The following NFIB variants were observed in gnomAD, a reference collection of about 807,000 sequenced individuals.
NFIB encodes the protein nuclear factor 1 B-type.
NFIB carries 11 observed loss-of-function variants against 61.5 expected under a neutral mutation model. The observed-to-expected ratio is 0.18, with a 90% CI of 0.11 to 0.30. The LOEUF (loss-of-function observed/expected upper bound fraction) is 0.30. Among genes scored for constraint, NFIB ranks in the 10% least tolerant of loss-of-function variants. The pLI, the probability that NFIB is intolerant of heterozygous loss-of-function variation, is 1.00. For missense variants in NFIB, 471 were observed against 608.9 expected (o/e 0.77, Z 2.38); for synonymous variants, 260 against 216.5 (o/e 1.20, Z -1.76).
chr9:14,452,101 A>T, the NFIB span, among the ~76,000 whole-genome samples: 1 of 152,082 alleles, frequency 6.6e-6, no homozygotes, highest in East Asian at 1.9e-4. Context: ...TCCAGCAGCA[A>T]TTTGCATTTC....
intron 6 of NFIB, among the ~76,000 whole-genome samples, chr9:14,140,639 G>A (rs987004633): frequency 6.6e-6 from 1 of 152,138 alleles, no homozygotes; most frequent in African/African-American, 2.4e-5. Context: ...ACTCACATTA[G>A]GAAATGCTGG....
At chr9:14,410,009 A>T in the NFIB span, among the ~76,000 whole-genome samples, 1 of 152,180 alleles carries the variant, frequency 6.6e-6, no homozygotes, top group African/African-American at 2.4e-5. Flanking sequence ...TTTCATATAC[A>T]CTTGTATCTT....
At chr9:14,177,971 GTA>G (rs1243558541) in intron 3 of NFIB, among the ~76,000 whole-genome samples, 4 of 152,136 alleles carry the variant, frequency 2.6e-5, no homozygotes, top group African/African-American at 9.6e-5. Flanking sequence ...TTTTAGGTGA[GTA>G]TAATTCCTTC....
intron 2 of NFIB, among the ~76,000 whole-genome samples, chr9:14,291,245 G>T (rs377102038): frequency 6.6e-6 from 1 of 152,030 alleles, no homozygotes; most frequent in East Asian, 1.9e-4. Flanking sequence ...GCACTTTTGG[G>T]AGGCTGAGGT....
At chr9:14,495,362 G>A in the NFIB span, among the ~76,000 whole-genome samples, 1 of 151,370 alleles carries the variant, frequency 6.6e-6, no homozygotes, top group African/African-American at 2.4e-5. Context: ...TATCTACGGG[G>A]ATTTCAGATT....
At chr9:14,144,562 G>A (rs894704085) in intron 6 of NFIB, among the ~76,000 whole-genome samples, 8 of 152,102 alleles carry the variant, frequency 5.3e-5, no homozygotes, top group African/African-American at 1.9e-4. Context: ...ACTACTTATT[G>A]TACTCCTACT....
the NFIB span, among the ~76,000 whole-genome samples, chr9:14,529,255 T>C: frequency 1.3e-5 from 2 of 152,168 alleles, 1 homozygote; most frequent in Admixed American, 1.3e-4. Flanking sequence ...GAATTTATGA[T>C]CATTGTCACA....
chr9:14,507,123 C>T, the NFIB span, among the ~76,000 whole-genome samples: 5 of 152,108 alleles, frequency 3.3e-5, no homozygotes, highest in African/African-American at 7.2e-5. Flanking sequence ...AAGGAAATAC[C>T]GCATAACTAA....
At chr9:14,324,322 TA>T (rs1403432106) in intron 1 of NFIB, among the ~76,000 whole-genome samples, 1 of 152,128 alleles carries the variant, frequency 6.6e-6, no homozygotes, top group Non-Finnish European at 1.5e-5. Context: ...TGCAGCTAAA[TA>T]AAAAATTTAT....
At position 14,084,851 on chromosome 9, in the gene NFIB, G is replaced by T. The variant is rs1029148859; in HGVS notation, c.*3458C>A. ...TAATAGTTTTATCTCAAAAAGGAAA[G>T]AAGAAAAAATTGATTTGAAATAAAA... On this transcript the variant is annotated 3_prime_UTR_variant, in exon 11 of 11. Coordinates refer to ENST00000380953, the MANE Select transcript of NFIB (RefSeq NM_001190737.2). 8.9e-6 allele frequency: 2 copies of T among 224,070 alleles called. No individual in the cohort carries two copies. Among genetic ancestry groups the T allele is most frequent in the Non-Finnish European group, 1.7e-5 (2 of 115,262 alleles). 13.9% of individuals were successfully genotyped at this position (224,070 alleles called of 1,614,324 possible).
At chr9:14,141,717 G>A (rs769718470) in intron 6 of NFIB, among the ~76,000 whole-genome samples, 5 of 151,782 alleles carry the variant, frequency 3.3e-5, no homozygotes, top group Non-Finnish European at 5.9e-5. Flanking sequence ...ACATTTTACT[G>A]CATAAAGTCT....
chr9:14,108,630 T>C (rs2036906264), intron 10 of NFIB, among the ~76,000 whole-genome samples: 2 of 152,108 alleles, frequency 1.3e-5, no homozygotes, highest in South Asian at 2.1e-4. Flanking sequence ...ACCAATAAAA[T>C]CCATGCAACT....
At chr9:14,512,975 T>C in the NFIB span, among the ~76,000 whole-genome samples, 1 of 151,978 alleles carries the variant, frequency 6.6e-6, no homozygotes, top group Non-Finnish European at 1.5e-5. Flanking sequence ...TGTTAACTTT[T>C]AAAAGAATTT....
chr9:14,352,375 T>C (rs867333863), intron 1 of NFIB, among the ~76,000 whole-genome samples: 4 of 151,474 alleles, frequency 2.6e-5, no homozygotes, highest in Middle Eastern at 3.4e-3. Flanking sequence ...GTCTCCGGGC[T>C]CAGCACTTCC....
chr9:14,097,469 G>C (rs761781704), intron 10 of NFIB, among the ~76,000 whole-genome samples: 22 of 152,172 alleles, frequency 1.4e-4, no homozygotes, highest in Non-Finnish European at 1.5e-5. Flanking sequence ...TATGTGTCAA[G>C]ATAACAAACT....
chr9:14,323,839 C>T (rs1048619333), intron 1 of NFIB, among the ~76,000 whole-genome samples: 2 of 152,150 alleles, frequency 1.3e-5, no homozygotes, highest in African/African-American at 4.8e-5. Flanking sequence ...GTTTTTTCCC[C>T]TTGTATACAC....
chr9:14,202,129 C>CACACACACACACACAA (rs2049108501), intron 2 of NFIB, among the ~76,000 whole-genome samples: 2 of 6,516 alleles, frequency 3.1e-4, no homozygotes, highest in Non-Finnish European at 1.6e-3. Flanking sequence ...TGATACTTTT[C>CACACACACACACACAA]ACACACACAC....
intron 1 of NFIB, among the ~76,000 whole-genome samples, chr9:14,382,362 G>GAGAC (rs2061498826): frequency 6.6e-6 from 1 of 151,778 alleles, no homozygotes; most frequent in Non-Finnish European, 1.5e-5. Context: ...GAGAGAGAGA[G>GAGAC]AGGGAGAGAG....
At chr9:14,221,559 C>T (rs917987510) in intron 2 of NFIB, among the ~76,000 whole-genome samples, 1 of 152,312 alleles carries the variant, frequency 6.6e-6, no homozygotes, top group East Asian at 1.9e-4. Flanking sequence ...CAGCCACATA[C>T]CACACTGCCC....
Sources: gnomAD v4.1 joint callset for allele counts (sites outside exome capture counted in the v4.1 genomes callset) on GRCh38, gnomAD v4.1.1 for gene constraint, MANE v1.5 for transcripts, NCBI Gene and HGNC (gene_info 2026-07-23, HGNC 2026-07-21) for gene names.